CNBD1: variants seen among roughly 807,000 people sequenced by gnomAD.
The protein encoded by CNBD1 is cyclic nucleotide-binding domain-containing protein 1.
Under a neutral mutation model 54.4 loss-of-function variants are expected in CNBD1, and 71 were observed. That is an observed-to-expected ratio of 1.30 (90% confidence interval 1.08 to 1.59). CNBD1 has a LOEUF of 1.59. CNBD1 is among the 40% of genes most tolerant of loss of function. CNBD1 has a pLI of 0.00. For synonymous variants in CNBD1, 182 were observed against 170.7 expected (o/e 1.07, Z -0.51); for missense variants, 659 against 518.0 (o/e 1.27, Z -2.64).
chr8:87,412,928 A>C (rs1647503630), intron 2 of CNBD1, among the ~76,000 whole-genome samples: 1 of 152,052 alleles, frequency 6.6e-6, no homozygotes, highest in Non-Finnish European at 1.5e-5. Context: ...GTCTCAGGGT[A>C]GGTGGAGGGA....
chr8:87,293,223 G>C (rs779603473), intron 8 of CNBD1, among the ~76,000 whole-genome samples: 4 of 151,940 alleles, frequency 2.6e-5, no homozygotes, highest in Non-Finnish European at 5.9e-5. Flanking sequence ...CTTTTGTTGT[G>C]GCAATGAAAA....
intron 8 of CNBD1, among the ~76,000 whole-genome samples, chr8:87,301,312 T>TAGAG (rs1241659269): frequency 1.3e-5 from 2 of 151,976 alleles, no homozygotes; most frequent in Non-Finnish European, 2.9e-5. Flanking sequence ...TACCACAAGA[T>TAGAG]AGAGAAAGAA....
At chr8:87,082,625 T>C (rs1811019519) in intron 4 of CNBD1, among the ~76,000 whole-genome samples, 1 of 152,040 alleles carries the variant, frequency 6.6e-6, no homozygotes, top group Non-Finnish European at 1.5e-5. Context: ...TTTAAGTGGG[T>C]TTCTTATACA....
intron 4 of CNBD1, among the ~76,000 whole-genome samples, chr8:86,979,685 T>A (rs1272452375): frequency 6.6e-6 from 1 of 152,176 alleles, no homozygotes; most frequent in Non-Finnish European, 1.5e-5. Context: ...AATTAGCTGT[T>A]CAGTATAAAA....
chr8:87,410,155 T>A (rs1807717086), intron 2 of CNBD1, among the ~76,000 whole-genome samples: 1 of 152,118 alleles, frequency 6.6e-6, no homozygotes, highest in Admixed American at 6.6e-5. Context: ...GACCTACTGC[T>A]CAGAAGAAAA....
intron 2 of CNBD1, among the ~76,000 whole-genome samples, chr8:87,419,510 T>A (rs935770179): frequency 6.6e-6 from 1 of 151,984 alleles, no homozygotes. Flanking sequence ...TACATATTTA[T>A]AGAAATTGTT....
In CNBD1 at chr8:87,166,339, C is replaced by T. The variant is rs59800329; in HGVS notation, c.432-39654C>T. Among the ~76,000 whole-genome samples, 2,291 of 151,958 alleles carry T rather than the reference C, an allele frequency of 0.015. 55 individuals carry two copies. The highest frequency in any genetic ancestry group is 0.051 in the African/African-American group (2,111 of 41,494). On this transcript the variant is annotated intron_variant, in intron 4 of 10. Transcript: ENST00000518476. The surrounding 1 kb of genome is among the most constrained non-coding windows in gnomAD (Gnocchi z 4.3). ...TTCCATTTTTACTGATGTCGCTTGT[C>T]TCCAGGTCACCATAGCTTCTCGCTT...
chr8:87,246,927 C>T (rs771860991), intron 6 of CNBD1, among the ~76,000 whole-genome samples: 3 of 152,054 alleles, frequency 2.0e-5, no homozygotes, highest in Non-Finnish European at 4.4e-5. Flanking sequence ...GAGCCCTGAG[C>T]TTGTTTTCCT....
intron 4 of CNBD1, among the ~76,000 whole-genome samples, chr8:87,016,157 AT>A (rs1350818420): frequency 6.6e-6 from 1 of 151,958 alleles, no homozygotes; most frequent in Non-Finnish European, 1.5e-5. Flanking sequence ...ATGCCTCTTA[AT>A]TTATATAACC....
Position 87,080,048 on chromosome 8 carries a change from A to G in CNBD1, c.432-125945A>G, listed in dbSNP as rs1014731068. On this transcript the variant is annotated intron_variant, in intron 4 of 10. Transcript: ENST00000518476. Reference sequence around the variant, plus strand: ...ATATTGATATTCATTAGTTCCAAAAATATTTGTTGAAAACTATTTTCCTTT... The same window carrying G: ...ATATTGATATTCATTAGTTCCAAAAGTATTTGTTGAAAACTATTTTCCTTT... 3.9e-5 allele frequency among the ~76,000 whole-genome samples: 6 copies of G among 152,328 alleles called. No homozygotes were observed. The South Asian group carries it at 1.2e-3, about 32-fold the overall frequency.
chr8:87,055,097 G>A (rs996227600), intron 4 of CNBD1, among the ~76,000 whole-genome samples: 7 of 152,294 alleles, frequency 4.6e-5, no homozygotes, highest in South Asian at 2.1e-4. Flanking sequence ...CACTGATTAC[G>A]TTGTCTGGGA....
chr8:87,212,862 T>G (rs1349320636), intron 5 of CNBD1, among the ~76,000 whole-genome samples: 1 of 152,154 alleles, frequency 6.6e-6, no homozygotes, highest in Non-Finnish European at 1.5e-5. Flanking sequence ...TTGGACCTTA[T>G]AAAAATTAAA....
chr8:86,885,239 C>T (rs1001605290), intron 1 of CNBD1, among the ~76,000 whole-genome samples: 5 of 152,134 alleles, frequency 3.3e-5, no homozygotes. Flanking sequence ...TAATCATTAA[C>T]ACATATAAAT....
intron 9 of CNBD1, among the ~76,000 whole-genome samples, chr8:87,353,090 G>T (rs534069960): frequency 7.2e-5 from 11 of 152,100 alleles, no homozygotes; most frequent in Non-Finnish European, 1.3e-4. Flanking sequence ...TCTCCACAAG[G>T]TCTCTTATTT....
chr8:86,971,554 G>T (rs1318752291), intron 4 of CNBD1, among the ~76,000 whole-genome samples: 2 of 152,032 alleles, frequency 1.3e-5, no homozygotes, highest in Non-Finnish European at 2.9e-5. Flanking sequence ...TTACTATTCC[G>T]AAAATGTATT....
downstream of CNBD1, chr8:87,382,894 T>A (rs1811110828): frequency 2.9e-6 from 1 of 345,124 alleles, no homozygotes; most frequent in African/African-American, 2.2e-5. Context: ...TTCAAGTGTT[T>A]CGGTATACAT....
At chr8:87,369,846 A>G (rs1196963897) in intron 10 of CNBD1, among the ~76,000 whole-genome samples, 5 of 152,066 alleles carry the variant, frequency 3.3e-5, no homozygotes, top group Middle Eastern at 3.4e-3. Flanking sequence ...ATTTAGCATT[A>G]GGTATATCTC....
At chr8:86,922,858 G>A (rs1809297798) in intron 3 of CNBD1, among the ~76,000 whole-genome samples, 1 of 152,094 alleles carries the variant, frequency 6.6e-6, no homozygotes, top group Admixed American at 6.6e-5. Context: ...AAGAAATTCA[G>A]AGAAAAAGAG....
At chr8:87,026,935 C>T (rs888260541) in intron 4 of CNBD1, among the ~76,000 whole-genome samples, 4 of 152,128 alleles carry the variant, frequency 2.6e-5, no homozygotes, top group African/African-American at 7.2e-5. Context: ...CAAAGACAAA[C>T]ATAACACCCG....
Sources: allele counts gnomAD v4.1 joint callset (sites outside exome capture counted in the v4.1 genomes callset), GRCh38; gene constraint gnomAD v4.1.1; non-coding constraint Gnocchi (gnomAD v3.1); transcripts MANE v1.5; gene names NCBI Gene and HGNC (gene_info 2026-07-23, HGNC 2026-07-21).